Variants in TESC observed in about 807,000 individuals in gnomAD.
The protein encoded by TESC is tescalcin.
TESC carries 19 observed loss-of-function variants against 31.0 expected under a neutral mutation model. That is an observed-to-expected ratio of 0.61 (90% CI 0.43 to 0.90). The LOEUF is 0.90. Among genes scored for constraint, TESC ranks in the 40% least tolerant of loss-of-function variants. The pLI, the probability that TESC is intolerant of heterozygous loss-of-function variation, is 0.00. For synonymous variants in TESC, 109 were observed against 114.8 expected (o/e 0.95, Z 0.32); for missense variants, 248 against 303.8 (o/e 0.82, Z 1.36).
At chr12:117,071,865 G>A (rs1397818438) in intron 2 of TESC, among the ~76,000 whole-genome samples, 2 of 152,170 alleles carry the variant, frequency 1.3e-5, no homozygotes, top group Non-Finnish European at 2.9e-5. Flanking sequence ...CAACCATGGA[G>A]GACCTACTGT....
rs140358005 is a variant in TESC, at chr12:117,078,381, G to A, written c.59-3041C>T. On this transcript the variant is annotated intron_variant, in intron 1 of 7. Transcript: ENST00000335209. ...CTTGGGAGACTGAAGCAGGAGAATC[G>A]CTTGAGCCCGGGAGGCGGAGGTTGC... Among the ~76,000 whole-genome samples the A allele has an allele frequency of 8.8e-3, 1,334 of 152,190 alleles. 19 individuals are homozygous for A. The highest frequency in any genetic ancestry group is 0.03 in the African/African-American group (1,234 of 41,520).
chr12:117,060,366 G>C (rs1304137169), intron 2 of TESC, among the ~76,000 whole-genome samples: 1 of 152,116 alleles, frequency 6.6e-6, no homozygotes, highest in Non-Finnish European at 1.5e-5. Flanking sequence ...TGCATGTTCC[G>C]TCTGTCAAAG....
intron 1 of TESC, among the ~76,000 whole-genome samples, chr12:117,098,837 T>C (rs997910666): frequency 2.7e-5 from 4 of 150,760 alleles, no homozygotes; most frequent in African/African-American, 4.9e-5. Context: ...CTTTCCGCTC[T>C]CGCGCTCACG....
At chr12:117,048,975 G>A (rs370907489) in intron 4 of TESC, 44 bp downstream of exon 4, 29 of 1,612,810 alleles carry the variant, frequency 1.8e-5, no homozygotes, top group Middle Eastern at 3.3e-4. Flanking sequence ...AGGGGAGGCT[G>A]CACCCCAGGC....
At chr12:117,071,843 G>A (rs902475619) in intron 2 of TESC, among the ~76,000 whole-genome samples, 3 of 152,134 alleles carry the variant, frequency 2.0e-5, no homozygotes, top group East Asian at 1.9e-4. Context: ...GGAGGAGGAC[G>A]CTCCACCCAC....
At chr12:117,065,966 C>G (rs532388806) in intron 2 of TESC, among the ~76,000 whole-genome samples, 1 of 152,248 alleles carries the variant, frequency 6.6e-6, no homozygotes, top group Non-Finnish European at 1.5e-5. Flanking sequence ...CAAGTCATCA[C>G]TAGGGCAAAG....
rs117695468 is a variant in TESC at position 117,064,696 on chromosome 12, G to A, written c.129-7810C>T. Among the ~76,000 whole-genome samples, 1,224 of 152,296 alleles carry A rather than the reference G, an allele frequency of 8.0e-3. 14 individuals are homozygous for A. Among genetic ancestry groups the A allele is most frequent in the South Asian group, 0.034 (163 of 4,822 alleles). ...GAGAAATTCAGCAGAGAAAGGGAGGGGACCACAGGAGACCGGTACAAGTTT... is the reference window on the plus strand; with the variant it reads ...GAGAAATTCAGCAGAGAAAGGGAGGAGACCACAGGAGACCGGTACAAGTTT... On this transcript the variant is annotated intron_variant, in intron 2 of 7. Coordinates refer to ENST00000335209, the MANE Select transcript of TESC (RefSeq NM_017899.4).
At chr12:117,045,102 G>A (rs1954538958) in intron 6 of TESC, among the ~76,000 whole-genome samples, 1 of 152,192 alleles carries the variant, frequency 6.6e-6, no homozygotes, top group Non-Finnish European at 1.5e-5. Context: ...GCTCGGTCTG[G>A]GTTTATCTGG....
intron 7 of TESC, 118 bp downstream of exon 7, chr12:117,041,829 G>A: frequency 1.0e-6 from 1 of 1,004,176 alleles, no homozygotes; most frequent in Non-Finnish European, 1.4e-6. Flanking sequence ...CTGAGATGTT[G>A]GTCACCCAGG....
At chr12:117,081,214 T>C (rs1955142862) in intron 1 of TESC, among the ~76,000 whole-genome samples, 1 of 152,158 alleles carries the variant, frequency 6.6e-6, no homozygotes, top group African/African-American at 2.4e-5. Flanking sequence ...TGAGATGGGC[T>C]GAAGTGGAAA....
intron 2 of TESC, among the ~76,000 whole-genome samples, chr12:117,068,188 T>C (rs537702951): frequency 2.8e-4 from 42 of 151,514 alleles, no homozygotes; most frequent in African/African-American, 1.0e-3. Context: ...GCTACTGCAC[T>C]GGGCCAATCT....
chr12:117,087,762 G>A (rs73405301), intron 1 of TESC, among the ~76,000 whole-genome samples: 54 of 152,334 alleles, frequency 3.5e-4, no homozygotes, highest in African/African-American at 1.3e-3. Flanking sequence ...AGAATCGCTT[G>A]AACCTGGGAG....
At chr12:117,043,132 C>A (rs1954508642) in intron 6 of TESC, among the ~76,000 whole-genome samples, 1 of 152,060 alleles carries the variant, frequency 6.6e-6, no homozygotes, top group Admixed American at 6.5e-5. Flanking sequence ...GATAACCAGA[C>A]CCCCACCATC....
At chr12:117,048,971 G>C (rs1392119038) in intron 4 of TESC, 48 bp downstream of exon 4, 1 of 1,613,110 alleles carries the variant, frequency 6.2e-7, no homozygotes, top group African/African-American at 1.3e-5. Flanking sequence ...TCTTAGGGGA[G>C]GCTGCACCCC....
intron 2 of TESC, among the ~76,000 whole-genome samples, chr12:117,062,619 T>C (rs1593004923): frequency 7.4e-6 from 1 of 135,176 alleles, no homozygotes; most frequent in South Asian, 2.9e-4. Context: ...GGCATGGTGG[T>C]TGGTGCCTGG....
intron 1 of TESC, among the ~76,000 whole-genome samples, chr12:117,079,721 G>T (rs1161313698): frequency 6.6e-6 from 1 of 152,098 alleles, no homozygotes; most frequent in African/African-American, 2.4e-5. Flanking sequence ...GGGAGGGGAG[G>T]GGCTGGAGAG....
rs557421049 is a variant in TESC, at chr12:117,075,926, T to C, written c.59-586A>G. 8.8e-4 allele frequency among the ~76,000 whole-genome samples: 90 copies of C among 102,664 alleles called. 1 individual carries two copies. Among genetic ancestry groups the C allele is most frequent in the Middle Eastern group, 8.6e-3 (2 of 232 alleles). 67.4% of individuals were successfully genotyped at this position (102,664 alleles called of 152,430 possible). A position where few individuals can be genotyped will look rare whatever the true frequency, so the allele number is the denominator to read the frequency against. On this transcript the variant is annotated intron_variant, in intron 1 of 7. Transcript: ENST00000335209. ...ATATATATATATATGTGTGTGTGTA[T>C]ATATATATATATATGTATATATACA...
intron 2 of TESC, among the ~76,000 whole-genome samples, chr12:117,067,373 G>A (rs1954902261): frequency 1.3e-5 from 2 of 152,096 alleles, no homozygotes; most frequent in South Asian, 4.1e-4. Context: ...AGACCAGCCT[G>A]GGCAACCTAG....
chr12:117,063,079 T>C (rs539740414), intron 2 of TESC, among the ~76,000 whole-genome samples: 6 of 152,288 alleles, frequency 3.9e-5, no homozygotes, highest in African/African-American at 1.2e-4. Flanking sequence ...CATCAAGCTG[T>C]GCTAAGCACT....
Sources: allele counts gnomAD v4.1 joint callset (sites outside exome capture counted in the v4.1 genomes callset), GRCh38; gene constraint gnomAD v4.1.1; transcripts MANE v1.5; gene names NCBI Gene and HGNC (gene_info 2026-07-23, HGNC 2026-07-21).